The following N4BP2L1 variants were observed in gnomAD, a reference collection of about 807,000 sequenced individuals.
N4BP2L1 encodes the protein NEDD4 binding protein 2 like 1, also known as NEDD4-binding protein 2-like 1.
Under a neutral mutation model 21.2 loss-of-function variants are expected in N4BP2L1, and 12 were observed. The observed-to-expected ratio is 0.57, with a 90% CI of 0.36 to 0.92. The LOEUF is 0.92. N4BP2L1 is among the 40% of genes least tolerant of loss of function. The pLI, the probability that N4BP2L1 is intolerant of heterozygous loss-of-function variation, is 0.01. For missense variants in N4BP2L1, 259 were observed against 310.6 expected, an observed-to-expected ratio of 0.83 and a Z score of 1.25; for synonymous variants, 104 against 112.8, an observed-to-expected ratio of 0.92 and a Z score of 0.49.
Position 32,428,102 on chromosome 13 carries a change from G to T in N4BP2L1, c.-20C>A. 7.0e-7 allele frequency: 1 copy of T among 1,434,902 alleles called. No individual in the cohort carries two copies. Among genetic ancestry groups the T allele is most frequent in the Non-Finnish European group, 9.2e-7 (1 of 1,090,676 alleles). 88.9% of individuals were successfully genotyped at this position (1,434,902 alleles called of 1,614,324 possible). On this transcript the variant is annotated 5_prime_UTR_variant, in exon 1 of 5. Transcript: ENST00000380130. ...CTCCATGGGCAGGAGGGCTGGCTGC[G>T]AGAGCCCCGGGTTCCCTTTACTGAA...
At chr13:32,413,944 C>T (rs554547421) in intron 1 of N4BP2L1, among the ~76,000 whole-genome samples, 6 of 142,164 alleles carry the variant, frequency 4.2e-5, no homozygotes, top group South Asian at 4.5e-4. Context: ...TGCAGTGGCG[C>T]GATCTCAGCT....
chr13:32,402,683 C>T lies in N4BP2L1; in HGVS notation c.*259G>A. The T allele has an allele frequency of 8.0e-7, 1 of 1,253,890 alleles. No individual in the cohort carries two copies. Among genetic ancestry groups the T allele is most frequent in the Non-Finnish European group, 1.0e-6 (1 of 999,278 alleles). The allele number at this position is 1,253,890 out of a possible 1,614,324, so 77.7% of individuals were successfully genotyped here. On this transcript the variant is annotated 3_prime_UTR_variant, in exon 5 of 5. Transcript: ENST00000380130. ...GTAAATATATTCTTGGGTGTGTTCT[C>T]AAGTTTTGGTTTCAAATTCTTACCC...
At chr13:32,414,282 C>A (rs1410214161) in intron 1 of N4BP2L1, among the ~76,000 whole-genome samples, 1 of 152,092 alleles carries the variant, frequency 6.6e-6, no homozygotes, top group African/African-American at 2.4e-5. Context: ...TATGGATGTG[C>A]CATAACATAA....
intron 3 of N4BP2L1, among the ~76,000 whole-genome samples, chr13:32,405,026 A>T (rs923419767): frequency 7.2e-5 from 11 of 152,176 alleles, no homozygotes; most frequent in African/African-American, 2.4e-4. Context: ...ATTTTCTATT[A>T]TCACTATAAT....
chr13:32,424,471 T>C (rs2074654974), intron 1 of N4BP2L1, among the ~76,000 whole-genome samples: 1 of 152,260 alleles, frequency 6.6e-6, no homozygotes, highest in African/African-American at 2.4e-5. Flanking sequence ...GGGCTGATTA[T>C]GTCTTTCCAT....
At chr13:32,426,185 A>C (rs1382100929) in intron 1 of N4BP2L1, among the ~76,000 whole-genome samples, 1 of 152,188 alleles carries the variant, frequency 6.6e-6, no homozygotes, top group Non-Finnish European at 1.5e-5. Flanking sequence ...GCTTCCCAAC[A>C]GAGTCAGAAA....
Position 32,402,758 on chromosome 13 carries a change from C to G in N4BP2L1, c.*184G>C, listed in dbSNP as rs1036801440. 7.3e-7 allele frequency: 1 copy of G among 1,375,016 alleles called. No homozygotes were observed. The highest frequency in any genetic ancestry group is 1.5e-5 in the African/African-American group (1 of 68,660). 85.2% of individuals were successfully genotyped at this position (1,375,016 alleles called of 1,614,324 possible). A position where few individuals can be genotyped will look rare whatever the true frequency, so the allele number is the denominator to read the frequency against. On this transcript the variant is annotated 3_prime_UTR_variant, in exon 5 of 5. Coordinates refer to ENST00000380130, the MANE Select transcript of N4BP2L1 (RefSeq NM_052818.3). ...ATCTGCAGAATTCCCAGCATCAGACCATGCATATAGAAGCACTTTAACAAA... is the reference window on the plus strand; with the variant it reads ...ATCTGCAGAATTCCCAGCATCAGACGATGCATATAGAAGCACTTTAACAAA...
chr13:32,423,157 C>T (rs1272663222), intron 1 of N4BP2L1, among the ~76,000 whole-genome samples: 2 of 152,192 alleles, frequency 1.3e-5, no homozygotes, highest in East Asian at 1.9e-4. Context: ...TCCCCATCTC[C>T]GCCTTACCAT....
chr13:32,417,319 C>A (rs143757388), intron 1 of N4BP2L1, among the ~76,000 whole-genome samples: 216 of 152,262 alleles, frequency 1.4e-3, no homozygotes, highest in Non-Finnish European at 2.6e-3. Context: ...TGAATCATGG[C>A]AATGGTTACC....
chr13:32,415,823 A>G (rs556223450), intron 1 of N4BP2L1: 2 of 152,358 alleles, frequency 1.3e-5, no homozygotes, highest in Admixed American at 1.3e-4. Flanking sequence ...TTGTTGGCTT[A>G]AAATTCAACC....
At chr13:32,425,121 C>A (rs530539874) in intron 1 of N4BP2L1, 1 of 152,286 alleles carries the variant, frequency 6.6e-6, no homozygotes, top group Non-Finnish European at 1.5e-5. Flanking sequence ...CAGAATCCAA[C>A]AACACACAGA....
chr13:32,421,401 A>G (rs1461841035), intron 1 of N4BP2L1, among the ~76,000 whole-genome samples: 2 of 151,126 alleles, frequency 1.3e-5, no homozygotes, highest in African/African-American at 4.9e-5. Context: ...AGAGTGCTGG[A>G]CAATCCTGGC....
At chr13:32,424,046 G>T (rs1482289810) in intron 1 of N4BP2L1, among the ~76,000 whole-genome samples, 3 of 152,246 alleles carry the variant, frequency 2.0e-5, no homozygotes. Flanking sequence ...GAGTTTGTCA[G>T]CTGAGCTGTG....
intron 1 of N4BP2L1, among the ~76,000 whole-genome samples, 168 bp from the exon 2 acceptor site, chr13:32,407,940 G>A (rs746868424): frequency 2.0e-5 from 3 of 152,194 alleles, no homozygotes; most frequent in Non-Finnish European, 4.4e-5. Flanking sequence ...ATGTCTAGAA[G>A]GCATCACTCC....
At chr13:32,420,012 C>T (rs984784521) in intron 1 of N4BP2L1, among the ~76,000 whole-genome samples, 15 of 152,136 alleles carry the variant, frequency 9.9e-5, no homozygotes, top group African/African-American at 3.6e-4. Context: ...CCACCCACCC[C>T]ACCAGGGCCA....
intron 1 of N4BP2L1, among the ~76,000 whole-genome samples, chr13:32,422,914 T>A (rs959964862): frequency 1.3e-5 from 2 of 152,340 alleles, no homozygotes; most frequent in Non-Finnish European, 2.9e-5. Flanking sequence ...CCCTCCACTT[T>A]TATATTCACA....
chr13:32,413,398 C>T (rs973621657), intron 1 of N4BP2L1, among the ~76,000 whole-genome samples: 1 of 152,174 alleles, frequency 6.6e-6, no homozygotes, highest in Non-Finnish European at 1.5e-5. Context: ...GTTCTGCATT[C>T]TGGGTTTGTG....
intron 2 of N4BP2L1, 120 bp downstream of exon 2, chr13:32,407,525 T>C (rs2073596373): frequency 1.9e-6 from 3 of 1,594,806 alleles, no homozygotes; most frequent in Non-Finnish European, 2.6e-6. Context: ...TGTTCTGTTT[T>C]GGGGGAAAAA....
intron 1 of N4BP2L1, chr13:32,420,278 T>G (rs2074399627): frequency 6.6e-6 from 1 of 152,306 alleles, no homozygotes; most frequent in African/African-American, 2.4e-5. Context: ...TGTGAACTTT[T>G]GTAGGCTCTC....
Sources: allele counts gnomAD v4.1 joint callset (sites outside exome capture counted in the v4.1 genomes callset), GRCh38; gene constraint gnomAD v4.1.1; transcripts MANE v1.5; gene names NCBI Gene and HGNC (gene_info 2026-07-23, HGNC 2026-07-21).